FHOD3: variants seen among roughly 807,000 people sequenced by gnomAD.
FHOD3 encodes formin homology 2 domain containing 3.
FHOD3 carries 90 observed loss-of-function variants against 173.0 expected under a neutral mutation model. That is an observed-to-expected ratio of 0.52 (90% CI 0.44 to 0.62). FHOD3 has a LOEUF of 0.62. FHOD3 is among the 20% of genes least tolerant of loss of function. The pLI, the probability that FHOD3 is intolerant of heterozygous loss-of-function variation, is 0.00. For missense variants in FHOD3, 1,945 were observed against 2,034.7 expected, an observed-to-expected ratio of 0.96 and a Z score of 0.85; for synonymous variants, 828 against 823.0, an observed-to-expected ratio of 1.01 and a Z score of -0.10.
intron 28 of FHOD3, among the ~76,000 whole-genome samples, chr18:36,769,754 C>T (rs932050382): frequency 6.6e-6 from 1 of 152,048 alleles, no homozygotes; most frequent in East Asian, 1.9e-4. Flanking sequence ...TGGAGCCCAT[C>T]GTCAAGTCCA....
chr18:36,587,944 T>C (rs2059094782), intron 6 of FHOD3, among the ~76,000 whole-genome samples: 1 of 152,222 alleles, frequency 6.6e-6, no homozygotes, highest in African/African-American at 2.4e-5. Context: ...CAAATTGCAT[T>C]GTGTCATAAG....
At chr18:36,482,898 G>A (rs1208687832) in intron 3 of FHOD3, among the ~76,000 whole-genome samples, 1 of 145,292 alleles carries the variant, frequency 6.9e-6, no homozygotes, top group Non-Finnish European at 1.5e-5. Context: ...GAGAGAGAAC[G>A]AGAACATTGT....
At chr18:36,657,943 A>G (rs762197590) in intron 13 of FHOD3, 132 bp from the exon 14 acceptor site, 14 of 612,148 alleles carry the variant, frequency 2.3e-5, no homozygotes, top group Non-Finnish European at 3.9e-5. Context: ...AGGTAGAATT[A>G]CCACTAACAG....
chr18:36,688,848 A>G (rs2038788109), intron 16 of FHOD3, among the ~76,000 whole-genome samples: 1 of 152,120 alleles, frequency 6.6e-6, no homozygotes, highest in Admixed American at 6.5e-5. Flanking sequence ...TCTGGATATT[A>G]TTTACTGCTC....
intron 17 of FHOD3, among the ~76,000 whole-genome samples, chr18:36,693,976 AG>A (rs1264688913): frequency 8.5e-5 from 13 of 152,230 alleles, no homozygotes; most frequent in Non-Finnish European, 1.8e-4. Flanking sequence ...ATGTACAGAC[AG>A]GCAAGCTCTC....
At chr18:36,743,217 G>C (rs1186269229) in intron 22 of FHOD3, among the ~76,000 whole-genome samples, 2 of 149,550 alleles carry the variant, frequency 1.3e-5, no homozygotes, top group East Asian at 2.0e-4. Context: ...GCTGAGGCAG[G>C]AGAATCGCTT....
intron 11 of FHOD3, among the ~76,000 whole-genome samples, chr18:36,651,723 G>C (rs564852444): frequency 2.3e-4 from 34 of 150,484 alleles, no homozygotes; most frequent in African/African-American, 8.4e-4. Flanking sequence ...GGCAACAAGA[G>C]CAAAACTCTG....
intron 5 of FHOD3, among the ~76,000 whole-genome samples, chr18:36,533,779 C>T (rs1476174866): frequency 6.6e-6 from 1 of 151,990 alleles, no homozygotes; most frequent in Admixed American, 6.6e-5. Flanking sequence ...GAAAGAGGCT[C>T]CCCGAGGTAT....
intron 3 of FHOD3, among the ~76,000 whole-genome samples, chr18:36,423,941 T>G (rs2050117673): frequency 6.6e-6 from 1 of 152,222 alleles, no homozygotes; most frequent in South Asian, 2.1e-4. Context: ...ATTGACATAT[T>G]AGGGGACAAT....
chr18:36,510,190 A>G (rs547359862), intron 4 of FHOD3, among the ~76,000 whole-genome samples: 1 of 152,348 alleles, frequency 6.6e-6, no homozygotes, highest in South Asian at 2.1e-4. Context: ...AAAAATGATC[A>G]CAGCTTAATA....
intron 9 of FHOD3, among the ~76,000 whole-genome samples, chr18:36,616,401 T>C (rs955173324): frequency 6.6e-6 from 1 of 152,116 alleles, no homozygotes; most frequent in Non-Finnish European, 1.5e-5. Flanking sequence ...TGATACCAAC[T>C]CCAGGAATCT....
chr18:36,510,904 T>C (rs2055599115), intron 4 of FHOD3, among the ~76,000 whole-genome samples: 1 of 152,190 alleles, frequency 6.6e-6, no homozygotes, highest in African/African-American at 2.4e-5. Flanking sequence ...GCTCTGACCC[T>C]GAAGAGCTCT....
At chr18:36,649,023 G>T (rs2035870028) in intron 10 of FHOD3, among the ~76,000 whole-genome samples, 1 of 152,106 alleles carries the variant, frequency 6.6e-6, no homozygotes, top group Non-Finnish European at 1.5e-5. Context: ...GCATGTAGGG[G>T]GTGCAGGGTA....
intron 1 of FHOD3, among the ~76,000 whole-genome samples, chr18:36,322,845 G>T (rs1046004566): frequency 4.6e-5 from 7 of 152,070 alleles, no homozygotes; most frequent in Non-Finnish European, 8.8e-5. Context: ...AACAGATCTG[G>T]CATTAATTCA....
chr18:36,664,999 A>T (rs184789593), intron 14 of FHOD3, among the ~76,000 whole-genome samples: 2 of 152,280 alleles, frequency 1.3e-5, no homozygotes, highest in Admixed American at 1.3e-4. Flanking sequence ...AGGCAGAGGC[A>T]GGAGGATCAC....
chr18:36,705,306 T>C (rs1353341881), intron 17 of FHOD3, among the ~76,000 whole-genome samples: 1 of 152,166 alleles, frequency 6.6e-6, no homozygotes, highest in Non-Finnish European at 1.5e-5. Flanking sequence ...GGGCTCTGGG[T>C]GCCTGCATGT....
In FHOD3 at chr18:36,553,101, A is replaced by G. The variant is rs1162555541; in HGVS notation, c.512-23350A>G. 5.3e-5 allele frequency among the ~76,000 whole-genome samples: 8 copies of G among 152,134 alleles called. No individual in the cohort carries two copies. In the South Asian group the frequency reaches 1.7e-3, roughly 32 times the overall value. On this transcript the variant is annotated intron_variant, in intron 5 of 28. Coordinates refer to ENST00000590592, the MANE Select transcript of FHOD3 (RefSeq NM_001281740.3). ...TCATGTGGTTTTTGTCTTTGGTTCTATTTATATGATGGATTACATTTATTG... is the reference window on the plus strand; with the variant it reads ...TCATGTGGTTTTTGTCTTTGGTTCTGTTTATATGATGGATTACATTTATTG...
At chr18:36,524,763 G>A (rs950245770) in intron 5 of FHOD3, among the ~76,000 whole-genome samples, 2 of 152,078 alleles carry the variant, frequency 1.3e-5, no homozygotes, top group Non-Finnish European at 2.9e-5. Flanking sequence ...TCTAGATTTC[G>A]TTGCTTTTTG....
chr18:36,475,747 A>AACAT (rs1329251288), intron 3 of FHOD3, among the ~76,000 whole-genome samples: 2 of 119,862 alleles, frequency 1.7e-5, no homozygotes, highest in African/African-American at 6.9e-5. Context: ...CATATATAGA[A>AACAT]ACATACACAC....
Sources: gnomAD v4.1 joint callset for allele counts (sites outside exome capture counted in the v4.1 genomes callset) on GRCh38, gnomAD v4.1.1 for gene constraint, MANE v1.5 for transcripts, NCBI Gene and HGNC (gene_info 2026-07-23, HGNC 2026-07-21) for gene names.